The following MAD1L1 variants were observed in gnomAD, a reference collection of about 807,000 sequenced individuals.
MAD1L1 encodes mitotic spindle assembly checkpoint protein MAD1.
MAD1L1 carries 95 observed loss-of-function variants against 96.9 expected under a neutral mutation model. The ratio of observed to expected loss-of-function variants is 0.98; its 90% CI spans 0.83 to 1.16. The LOEUF (loss-of-function observed/expected upper bound fraction) is 1.16. Among genes scored for constraint, MAD1L1 ranks in the 50% most tolerant of loss-of-function variants. MAD1L1 has a pLI of 0.00. For missense variants in MAD1L1, 1,007 were observed against 954.4 expected (o/e 1.06, Z -0.73); for synonymous variants, 473 against 396.6 (o/e 1.19, Z -2.29).
chr7:1,823,489 T>C lies in MAD1L1; in HGVS notation c.1999-7261A>G, dbSNP rs958398212. ...ACACGACAGGGCGCCAGCGTCTCCC[T>C]GCCCATCTCTCCTAGAACGCCACGG... On this transcript the variant is annotated intron_variant, in intron 18 of 18. Coordinates refer to ENST00000265854, the MANE Select transcript of MAD1L1 (RefSeq NM_001013836.2). Among the ~76,000 whole-genome samples, 11 of 152,270 alleles carry C rather than the reference T, an allele frequency of 7.2e-5. No homozygotes were observed. In the South Asian group the frequency reaches 1.7e-3, roughly 23 times the overall value.
intron 11 of MAD1L1, among the ~76,000 whole-genome samples, chr7:2,106,561 G>A (rs1423325132): frequency 1.3e-5 from 2 of 152,180 alleles, no homozygotes; most frequent in Non-Finnish European, 2.9e-5. Flanking sequence ...GGGGTGGGGG[G>A]AGAAGGCAGG....
intron 18 of MAD1L1, among the ~76,000 whole-genome samples, chr7:1,857,126 T>C (rs1784297002): frequency 6.6e-6 from 1 of 152,100 alleles, no homozygotes; most frequent in African/African-American, 2.4e-5. Flanking sequence ...TCTGGGAACC[T>C]CCAGGACTCC....
intron 12 of MAD1L1, among the ~76,000 whole-genome samples, chr7:2,023,690 T>C (rs549387035): frequency 1.1e-3 from 170 of 152,372 alleles, no homozygotes; most frequent in African/African-American, 3.7e-3. Context: ...GGCTCACGCC[T>C]GTTATCCCAG....
intron 11 of MAD1L1, among the ~76,000 whole-genome samples, chr7:2,096,819 G>T (rs1012868484): frequency 1.3e-5 from 2 of 152,082 alleles, no homozygotes; most frequent in Non-Finnish European, 2.9e-5. Context: ...GAGGCTGGGG[G>T]CACAGACCCA....
chr7:2,038,026 G>A (rs1176971547), intron 12 of MAD1L1, among the ~76,000 whole-genome samples: 3 of 152,180 alleles, frequency 2.0e-5, no homozygotes, highest in Non-Finnish European at 4.4e-5. Context: ...GTTCTTGGAG[G>A]AAATTAAAAG....
chr7:1,894,107 A>C (rs1238257930), intron 18 of MAD1L1, among the ~76,000 whole-genome samples: 3 of 152,148 alleles, frequency 2.0e-5, no homozygotes, highest in African/African-American at 7.2e-5. Flanking sequence ...CCTGTCACCA[A>C]GCTTGGTGTC....
At chr7:2,042,066 C>T (rs966731772) in intron 12 of MAD1L1, among the ~76,000 whole-genome samples, 2 of 151,878 alleles carry the variant, frequency 1.3e-5, no homozygotes, top group African/African-American at 2.4e-5. Flanking sequence ...CACAGATGCA[C>T]GTACACACAT....
At chr7:2,079,611 GAAATGTGAGAAGGA>G (rs994621079) in intron 11 of MAD1L1, 18 of 470,776 alleles carry the variant, frequency 3.8e-5, no homozygotes, top group African/African-American at 2.8e-4. Flanking sequence ...ATCTGACCTT[GAAATGTGAGAAGGA>G]AAATTGCCCT....
intron 11 of MAD1L1, among the ~76,000 whole-genome samples, chr7:2,077,581 T>C (rs569737376): frequency 3.3e-5 from 5 of 152,340 alleles, no homozygotes; most frequent in South Asian, 2.1e-4. Flanking sequence ...CGGGCTTGGC[T>C]GAGCCAGCGG....
intron 17 of MAD1L1, among the ~76,000 whole-genome samples, chr7:1,915,407 G>A (rs949509668): frequency 4.6e-5 from 7 of 152,144 alleles, no homozygotes; most frequent in African/African-American, 9.7e-5. Context: ...GAAAAGCCAC[G>A]CGCTTCCCGG....
At chr7:1,852,823 G>A (rs1784047826) in intron 18 of MAD1L1, among the ~76,000 whole-genome samples, 4 of 151,968 alleles carry the variant, frequency 2.6e-5, no homozygotes, top group African/African-American at 9.7e-5. Context: ...TGCCCTCTAA[G>A]GCCAGGAGAG....
chr7:2,052,851 T>C (rs1784242607), intron 12 of MAD1L1, among the ~76,000 whole-genome samples: 1 of 151,620 alleles, frequency 6.6e-6, no homozygotes, highest in South Asian at 2.1e-4. Flanking sequence ...GCCTGGAGCA[T>C]GGGGGAGGGA....
At chr7:2,102,623 C>T (rs1001682371) in intron 11 of MAD1L1, among the ~76,000 whole-genome samples, 2 of 152,012 alleles carry the variant, frequency 1.3e-5, no homozygotes, top group Non-Finnish European at 2.9e-5. Flanking sequence ...CGGTCTCCAC[C>T]ACCCTCGCAC....
At chr7:1,869,225 G>T (rs917439583) in intron 18 of MAD1L1, among the ~76,000 whole-genome samples, 3 of 152,142 alleles carry the variant, frequency 2.0e-5, no homozygotes, top group Non-Finnish European at 4.4e-5. Context: ...GAGGCCCGGG[G>T]GAACGCCAGG....
chr7:1,913,555 G>A (rs1408164381), intron 17 of MAD1L1, among the ~76,000 whole-genome samples: 2 of 152,182 alleles, frequency 1.3e-5, no homozygotes, highest in East Asian at 1.9e-4. Flanking sequence ...GGCGTCCTGG[G>A]GGTTGGCGTG....
At chr7:2,003,881 C>A (rs945707686) in intron 13 of MAD1L1, among the ~76,000 whole-genome samples, 41 of 152,204 alleles carry the variant, frequency 2.7e-4, no homozygotes, top group African/African-American at 8.0e-4. Flanking sequence ...CTCCTCACAG[C>A]CAGCTGAACC....
At chr7:2,197,201 G>A (rs940447043) in intron 10 of MAD1L1, among the ~76,000 whole-genome samples, 5 of 152,298 alleles carry the variant, frequency 3.3e-5, no homozygotes, top group South Asian at 4.1e-4. Flanking sequence ...GCAGCATCTG[G>A]CCAACCTGTG....
At chr7:1,948,388 G>A (rs990328740) in intron 16 of MAD1L1, among the ~76,000 whole-genome samples, 4 of 152,288 alleles carry the variant, frequency 2.6e-5, no homozygotes, top group Middle Eastern at 3.4e-3. Flanking sequence ...GCTAAGCGAG[G>A]GTTCACCAGG....
At chr7:2,070,514 A>T (rs1436521292) in intron 11 of MAD1L1, among the ~76,000 whole-genome samples, 1 of 152,118 alleles carries the variant, frequency 6.6e-6, no homozygotes, top group African/African-American at 2.4e-5. Context: ...GGACACAGCC[A>T]GGAAAGAAGA....
Sources: gnomAD v4.1 joint callset for allele counts (sites outside exome capture counted in the v4.1 genomes callset) on GRCh38, gnomAD v4.1.1 for gene constraint, MANE v1.5 for transcripts, NCBI Gene and HGNC (gene_info 2026-07-23, HGNC 2026-07-21) for gene names.